Variants in SCAPER observed in about 807,000 individuals in gnomAD.
The protein encoded by SCAPER is S-phase cyclin A associated protein in the ER, also known as S phase cyclin A-associated protein in the endoplasmic reticulum.
SCAPER carries 98 observed loss-of-function variants against 182.2 expected under a neutral mutation model. The observed-to-expected ratio is 0.54, with a 90% CI of 0.46 to 0.64. The LOEUF is 0.64. Among genes scored for constraint, SCAPER ranks in the 30% least tolerant of loss-of-function variants. The probability of loss-of-function intolerance (pLI) is 0.00; values close to 1 mark genes in which losing one functional copy is unlikely to be tolerated. For synonymous variants in SCAPER, 605 were observed against 564.6 expected, an observed-to-expected ratio of 1.07 and a Z score of -1.01; for missense variants, 1,432 against 1,690.0, an observed-to-expected ratio of 0.85 and a Z score of 2.68.
intron 27 of SCAPER, among the ~76,000 whole-genome samples, chr15:76,390,156 A>G (rs1242353558): frequency 6.6e-6 from 1 of 152,122 alleles, no homozygotes; most frequent in Non-Finnish European, 1.5e-5. Flanking sequence ...AGGTCTTGCT[A>G]TGTTGCCCAG....
intron 22 of SCAPER, among the ~76,000 whole-genome samples, chr15:76,592,477 A>T (rs2049192975): frequency 8.1e-6 from 1 of 122,734 alleles, no homozygotes; most frequent in Non-Finnish European, 2.0e-5. Flanking sequence ...TAGGCCCACA[A>T]ACCCTAAAAT....
intron 9 of SCAPER, among the ~76,000 whole-genome samples, chr15:76,772,836 A>C (rs2063544489): frequency 6.6e-6 from 1 of 151,980 alleles, no homozygotes; most frequent in East Asian, 1.9e-4. Context: ...CTAAAATCTA[A>C]AATTATGAAT....
chr15:76,729,251 A>G (rs868078535), intron 16 of SCAPER, among the ~76,000 whole-genome samples: 1 of 150,164 alleles, frequency 6.7e-6, no homozygotes, highest in African/African-American at 2.5e-5. Flanking sequence ...TCATATATAT[A>G]TATGTTTTAT....
At position 76,443,507 on chromosome 15, in the gene SCAPER, C is replaced by T. The variant is rs527512080; in HGVS notation, c.3079-9197G>A. Among the ~76,000 whole-genome samples, 33 of 152,292 alleles carry T rather than the reference C, an allele frequency of 2.2e-4. 1 individual carries two copies. The South Asian group carries it at 3.9e-3, about 18-fold the overall frequency. On this transcript the variant is annotated intron_variant, in intron 25 of 31. Transcript: ENST00000563290. Reference sequence around the variant, plus strand: ...AAATCAGCAGTTTACAAATGGATAACTTGTTTTAAGAAGGGACAACATGAT... The same window carrying T: ...AAATCAGCAGTTTACAAATGGATAATTTGTTTTAAGAAGGGACAACATGAT...
intron 25 of SCAPER, among the ~76,000 whole-genome samples, chr15:76,448,586 C>T (rs898009121): frequency 6.6e-6 from 1 of 152,012 alleles, no homozygotes; most frequent in Non-Finnish European, 1.5e-5. Context: ...CAAACAAACA[C>T]AGAAACCCTG....
intron 6 of SCAPER, among the ~76,000 whole-genome samples, chr15:76,803,136 T>G (rs1226330122): frequency 1.4e-5 from 2 of 144,554 alleles, no homozygotes; most frequent in African/African-American, 5.1e-5. Flanking sequence ...TCCCTTATTA[T>G]TTCTACTGAG....
intron 2 of SCAPER, among the ~76,000 whole-genome samples, chr15:76,872,570 ACT>A (rs111553645): frequency 0.084 from 12,825 of 151,922 alleles, 629 homozygotes; most frequent in African/African-American, 0.13. Flanking sequence ...AAAGAAAATT[ACT>A]GTTTTCTAGT....
chr15:76,809,549 C>A (rs1024076117), intron 5 of SCAPER, among the ~76,000 whole-genome samples: 2 of 151,784 alleles, frequency 1.3e-5, no homozygotes, highest in African/African-American at 4.8e-5. Flanking sequence ...CATCAGAAAT[C>A]ATTTAAGATG....
chr15:76,872,572 T>C (rs1358529805), intron 2 of SCAPER, among the ~76,000 whole-genome samples: 2 of 127,404 alleles, frequency 1.6e-5, no homozygotes, highest in Non-Finnish European at 3.4e-5. Context: ...AGAAAATTAC[T>C]GTTTTCTAGT....
chr15:76,869,384 A>G (rs532274627), intron 2 of SCAPER, among the ~76,000 whole-genome samples: 1 of 152,332 alleles, frequency 6.6e-6, no homozygotes, highest in Admixed American at 6.5e-5. Flanking sequence ...ATTAATAACC[A>G]GAACATATGA....
Position 76,471,295 on chromosome 15 carries a change from T to A in SCAPER, c.2995A>T (p.Asn999Tyr). 3 of 1,612,148 alleles carry A rather than the reference T, an allele frequency of 1.9e-6. No homozygotes were observed. Among genetic ancestry groups the A allele is most frequent in the Non-Finnish European group, 2.5e-6 (3 of 1,179,034 alleles). Residue 999 changes from asparagine (N) to tyrosine (Y), a missense_variant, in exon 25 of 32, where the codon AAT (asparagine) becomes TAT (tyrosine). Around this residue, in one of 5 missense-constraint regions of SCAPER, gnomAD observed 718 missense variants for 799.7 expected, o/e 0.90. Transcript: ENST00000563290. The part of the protein sequence containing the change: ...NAINVYNLTC[N>Y]NCSENCSDVL... ...TCACTGCAGTTTTCTGAACAGTTAT[T>A]GCAGGTGAGGTTGTAAACATTGATT...
chr15:76,493,059 T>C (rs1254169636), intron 24 of SCAPER, among the ~76,000 whole-genome samples: 2 of 152,046 alleles, frequency 1.3e-5, no homozygotes, highest in Admixed American at 6.5e-5. Flanking sequence ...GTGGGGATAG[T>C]AGGGAGAACC....
chr15:76,768,834 A>G (rs2063268053), intron 10 of SCAPER, among the ~76,000 whole-genome samples: 1 of 151,916 alleles, frequency 6.6e-6, no homozygotes, highest in Non-Finnish European at 1.5e-5. Context: ...TCAAAAAAAA[A>G]AAAAAATATA....
In SCAPER at chr15:76,471,438, T is replaced by C. The variant is rs183878405; in HGVS notation, c.2955-103A>G. On this transcript the variant is annotated intron_variant, in intron 24 of 31. Coordinates refer to ENST00000563290, the MANE Select transcript of SCAPER (RefSeq NM_020843.4). ...GGTATGAAAGCCAACAGGCATGAGA[T>C]GGAAGTCACTCTAAAAACCAAGCCA... 4,320 of 1,316,598 alleles carry C rather than the reference T, an allele frequency of 3.3e-3. 38 individuals are homozygous for C. The highest frequency in any genetic ancestry group is 0.018 in the South Asian group (1,061 of 59,526). The allele number at this position is 1,316,598 out of a possible 1,614,324, so 81.6% of individuals were successfully genotyped here.
At chr15:76,683,470 A>G (rs1293967618) in intron 20 of SCAPER, among the ~76,000 whole-genome samples, 1 of 152,136 alleles carries the variant, frequency 6.6e-6, no homozygotes, top group African/African-American at 2.4e-5. Context: ...GCATGCAAAT[A>G]TGGAAAATAT....
Position 76,583,679 on chromosome 15 carries a change from A to G in SCAPER, c.2712-9395T>C, listed in dbSNP as rs922256095. 4.6e-5 allele frequency among the ~76,000 whole-genome samples: 7 copies of G among 152,362 alleles called. No individual in the cohort carries two copies. The South Asian group carries it at 1.4e-3, about 32-fold the overall frequency. On this transcript the variant is annotated intron_variant, in intron 22 of 31. Transcript: ENST00000563290. The stretch of plus-strand genomic sequence containing the variant: ...ACAGGTATATGAAAAGGTGCTCAAC[A>G]TCATTGATAACAGAAAAATGCAAAT...
intron 2 of SCAPER, among the ~76,000 whole-genome samples, chr15:76,868,137 T>C (rs2072427190): frequency 6.6e-6 from 1 of 152,210 alleles, no homozygotes; most frequent in Non-Finnish European, 1.5e-5. Context: ...ACTAATCTGT[T>C]GGTTCCCCTT....
intron 21 of SCAPER, among the ~76,000 whole-genome samples, chr15:76,648,337 T>A (rs978794718): frequency 4.6e-5 from 7 of 151,706 alleles, no homozygotes; most frequent in African/African-American, 1.5e-4. Flanking sequence ...AAAGATCACA[T>A]AGGACACAGA....
At chr15:76,794,928 G>A (rs1249488565) in intron 8 of SCAPER, among the ~76,000 whole-genome samples, 1 of 152,094 alleles carries the variant, frequency 6.6e-6, no homozygotes, top group Non-Finnish European at 1.5e-5. Flanking sequence ...TTGAACAGCT[G>A]AAGTAGTAAC....
Sources: allele counts gnomAD v4.1 joint callset (sites outside exome capture counted in the v4.1 genomes callset), GRCh38; gene constraint gnomAD v4.1.1; regional missense constraint gnomAD v4.1.1; transcripts MANE v1.5; gene names NCBI Gene and HGNC (gene_info 2026-07-23, HGNC 2026-07-21).